UQCRH: variants seen among roughly 807,000 people sequenced by gnomAD.
The protein encoded by UQCRH is ubiquinol-cytochrome c reductase hinge protein, also known as cytochrome b-c1 complex subunit 6, mitochondrial.
A neutral mutation model predicts 16.3 loss-of-function variants in UQCRH; 14 were observed. The ratio of observed to expected loss-of-function variants is 0.86; its 90% CI spans 0.57 to 1.34. UQCRH has a LOEUF of 1.34. Among genes scored for constraint, UQCRH ranks in the 40% most tolerant of loss-of-function variants. The pLI is 0.00. For synonymous variants in UQCRH, 41 were observed against 41.9 expected, an observed-to-expected ratio of 0.98 and a Z score of 0.08; for missense variants, 89 against 111.9, an observed-to-expected ratio of 0.80 and a Z score of 0.92.
chr1:46,311,320 GGGAGGCGGAGGCGGAGGC>G (rs148292502), intron 3 of UQCRH, among the ~76,000 whole-genome samples: 6 of 148,738 alleles, frequency 4.0e-5, no homozygotes, highest in South Asian at 2.1e-4. Context: ...CCAGCACTTT[GGGAGGCGGAGGCGGAGGC>G]GGAGGCGGAG....
At chr1:46,313,642 C>CAT (rs1553173570) in intron 3 of UQCRH, among the ~76,000 whole-genome samples, 1 of 145,766 alleles carries the variant, frequency 6.9e-6, no homozygotes, top group South Asian at 2.2e-4. Context: ...AAAATATAGA[C>CAT]AGATAGATAG....
At chr1:46,311,159 C>T (rs1156606848) in intron 3 of UQCRH, among the ~76,000 whole-genome samples, 1 of 151,944 alleles carries the variant, frequency 6.6e-6, no homozygotes, top group Non-Finnish European at 1.5e-5. Flanking sequence ...TCCCATTTCA[C>T]AGATAGAAAC....
At chr1:46,310,043 C>A (rs982262013) in intron 2 of UQCRH, 112 bp from the exon 3 acceptor site, 1 of 1,550,490 alleles carries the variant, frequency 6.4e-7, no homozygotes, top group African/African-American at 1.4e-5. Context: ...GCCTTCTGCA[C>A]GGTAATTCAG....
intron 3 of UQCRH, among the ~76,000 whole-genome samples, chr1:46,311,144 C>T (rs1422769314): frequency 6.6e-6 from 1 of 151,846 alleles, no homozygotes; most frequent in East Asian, 1.9e-4. Context: ...AGATAGGTAT[C>T]ATTATCCCAT....
At chr1:46,310,782 C>T (rs1337679776) in intron 3 of UQCRH, among the ~76,000 whole-genome samples, 1 of 151,892 alleles carries the variant, frequency 6.6e-6, no homozygotes, top group Non-Finnish European at 1.5e-5. Flanking sequence ...TATAAATAAT[C>T]TTGCCTAGGG....
rs922850733 is a variant in UQCRH, at chr1:46,303,951, C to T, written c.54+131C>T. The stretch of plus-strand genomic sequence containing the variant: ...GTTTGCATAGTCGGGAGCTCTAGTT[C>T]CCTCGACCTTTCCCCAGAATTCGTC... On this transcript the variant is annotated intron_variant, in intron 1 of 3. Coordinates refer to ENST00000311672, the MANE Select transcript of UQCRH (RefSeq NM_006004.4). The T allele has an allele frequency of 8.7e-6, 10 of 1,153,080 alleles. No individual in the cohort carries two copies. In the African/African-American group the frequency reaches 1.5e-4, roughly 18 times the overall value. The allele number at this position is 1,153,080 out of a possible 1,614,324, so 71.4% of individuals were successfully genotyped here.
chr1:46,316,641 A>G lies in UQCRH; in HGVS notation c.*57A>G, dbSNP rs1278225799. On this transcript the variant is annotated 3_prime_UTR_variant, in exon 4 of 4. Coordinates refer to ENST00000311672, the MANE Select transcript of UQCRH (RefSeq NM_006004.4). ...CATCTGGGCATCAGAATATTTCCTTATGGTTTTGGATGTACCATTTGTTTC... is the reference window on the plus strand; with the variant it reads ...CATCTGGGCATCAGAATATTTCCTTGTGGTTTTGGATGTACCATTTGTTTC... The G allele has an allele frequency of 1.9e-6, 3 of 1,604,880 alleles. No individual in the cohort carries two copies. Among genetic ancestry groups the G allele is most frequent in the African/African-American group, 2.7e-5 (2 of 74,296 alleles).
chr1:46,305,769 A>T (rs2148332299), intron 1 of UQCRH, among the ~76,000 whole-genome samples: 1 of 150,478 alleles, frequency 6.6e-6, no homozygotes, highest in East Asian at 2.0e-4. Context: ...TAAATAAATA[A>T]ATAAAATAAA....
At position 46,303,704 on chromosome 1, in the gene UQCRH, G is replaced by A; in HGVS notation, c.-63G>A. 6.2e-7 allele frequency: 1 copy of A among 1,612,434 alleles called. No individual in the cohort carries two copies. Among genetic ancestry groups the A allele is most frequent in the East Asian group, 2.2e-5 (1 of 44,860 alleles). ...TGAGTGACCCTTACAAGTCCTTCTT[G>A]ATCCTGAACTGGGTTAGGTGCCGCT... On this transcript the variant is annotated 5_prime_UTR_variant, in exon 1 of 4. Coordinates refer to ENST00000311672, the MANE Select transcript of UQCRH (RefSeq NM_006004.4).
intron 3 of UQCRH, among the ~76,000 whole-genome samples, chr1:46,312,198 C>G (rs1185688125): frequency 6.6e-6 from 1 of 151,848 alleles, no homozygotes; most frequent in Non-Finnish European, 1.5e-5. Context: ...TGGGTTCAAG[C>G]GATTTTCCTG....
At chr1:46,309,044 C>T in intron 1 of UQCRH, 57 bp from the exon 2 acceptor site, 1 of 1,570,802 alleles carries the variant, frequency 6.4e-7, no homozygotes, top group Non-Finnish European at 8.8e-7. Flanking sequence ...TCAGTATGAT[C>T]AGGAATAAAT....
chr1:46,311,761 GGTTTTTTTGTTTTTTTTT>G (rs1661481799), intron 3 of UQCRH, among the ~76,000 whole-genome samples: 1 of 150,148 alleles, frequency 6.7e-6, no homozygotes, highest in Non-Finnish European at 1.5e-5. Context: ...CCCGGCTAAT[GGTTTTTTTGTTTTTTTTT>G]GTTTGTTTGT....
At chr1:46,304,792 G>A (rs1471476993) in intron 1 of UQCRH, among the ~76,000 whole-genome samples, 1 of 152,146 alleles carries the variant, frequency 6.6e-6, no homozygotes, top group Non-Finnish European at 1.5e-5. Flanking sequence ...TCTTTTCTAA[G>A]GTCATGCAGC....
intron 3 of UQCRH, among the ~76,000 whole-genome samples, chr1:46,313,761 G>A (rs892362689): frequency 6.6e-6 from 1 of 150,508 alleles, no homozygotes; most frequent in African/African-American, 2.4e-5. Context: ...GATCACCTGA[G>A]CCTGGGGAAG....
rs144129159 is a variant in UQCRH, at chr1:46,312,922, G to A, written c.243+2606G>A. Among the ~76,000 whole-genome samples, 104 of 152,168 alleles carry A rather than the reference G, an allele frequency of 6.8e-4. 1 individual carries two copies. The highest frequency in any genetic ancestry group is 2.0e-4 in the Admixed American group (3 of 15,280). ...ACACTTTATACCAACTGCCCACTAG[G>A]ATGGCTATAATAAAGAAGATAACGA... On this transcript the variant is annotated intron_variant, in intron 3 of 3. Transcript: ENST00000311672.
intron 1 of UQCRH, 45 bp downstream of exon 1, chr1:46,303,865 C>G: frequency 6.2e-7 from 1 of 1,613,636 alleles, no homozygotes; most frequent in South Asian, 1.1e-5. Flanking sequence ...GCCCTGAAGC[C>G]CAGGACCTAG....
At chr1:46,314,525 G>T (rs531726612) in intron 3 of UQCRH, among the ~76,000 whole-genome samples, 2 of 151,724 alleles carry the variant, frequency 1.3e-5, no homozygotes, top group South Asian at 4.2e-4. Flanking sequence ...ACAAAAATTG[G>T]CTGCGCATGG....
rs6662132 is a variant in UQCRH, at chr1:46,313,232, T to C, written c.243+2916T>C. ...CTAGGCTGGGCACTGTGGCTCATGCTTGTAATCGCAGAACTTTGCGAGGTC... is the reference window on the plus strand; with the variant it reads ...CTAGGCTGGGCACTGTGGCTCATGCCTGTAATCGCAGAACTTTGCGAGGTC... On this transcript the variant is annotated intron_variant, in intron 3 of 3. Transcript: ENST00000311672. 8.3e-3 allele frequency among the ~76,000 whole-genome samples: 1,261 copies of C among 152,274 alleles called. 24 individuals carry two copies. Among genetic ancestry groups the C allele is most frequent in the Middle Eastern group, 0.037 (11 of 294 alleles).
At chr1:46,314,462 G>A (rs1040625242) in intron 3 of UQCRH, among the ~76,000 whole-genome samples, 4 of 151,958 alleles carry the variant, frequency 2.6e-5, no homozygotes, top group Non-Finnish European at 5.9e-5. Context: ...CCTGCTGTCC[G>A]GAGTTCGAGA....
Sources: gnomAD v4.1 joint callset for allele counts (sites outside exome capture counted in the v4.1 genomes callset) on GRCh38, gnomAD v4.1.1 for gene constraint, MANE v1.5 for transcripts, NCBI Gene and HGNC (gene_info 2026-07-23, HGNC 2026-07-21) for gene names.